The following PSMD12 variants were observed in gnomAD, a reference collection of about 807,000 sequenced individuals.
The protein encoded by PSMD12 is 26S proteasome non-ATPase regulatory subunit 12.
A neutral mutation model predicts 62.9 loss-of-function variants in PSMD12; 8 were observed. That is an observed-to-expected ratio of 0.13 (90% CI 0.07 to 0.23). PSMD12 has a LOEUF of 0.23. Among genes scored for constraint, PSMD12 ranks in the 10% least tolerant of loss-of-function variants. The probability of loss-of-function intolerance (pLI) is 1.00; values close to 1 mark genes in which losing one functional copy is unlikely to be tolerated. For missense variants in PSMD12, 424 were observed against 550.2 expected, an observed-to-expected ratio of 0.77 and a Z score of 2.29; for synonymous variants, 173 against 187.4, an observed-to-expected ratio of 0.92 and a Z score of 0.63.
chr17:67,364,532 C>G (rs913578270), intron 1 of PSMD12, among the ~76,000 whole-genome samples: 3 of 152,184 alleles, frequency 2.0e-5, no homozygotes, highest in African/African-American at 7.2e-5. Flanking sequence ...GTCTTGCAAA[C>G]AGTAGACTGG....
chr17:67,350,461 A>G (rs2042007095), intron 3 of PSMD12, 125 bp from the exon 4 acceptor site: 1 of 562,430 alleles, frequency 1.8e-6, no homozygotes, highest in East Asian at 3.2e-5. Flanking sequence ...CCAAAATGTC[A>G]TAAAGAACAT....
intron 4 of PSMD12, among the ~76,000 whole-genome samples, chr17:67,349,299 G>A (rs535233752): frequency 1.2e-4 from 18 of 152,322 alleles, no homozygotes; most frequent in Admixed American, 5.9e-4. Flanking sequence ...GATTACAGGC[G>A]TGAGCCACTG....
chr17:67,364,909 C>T (rs938955417), intron 1 of PSMD12, among the ~76,000 whole-genome samples: 1 of 152,094 alleles, frequency 6.6e-6, no homozygotes, highest in African/African-American at 2.4e-5. Flanking sequence ...TTTGGCCAGC[C>T]GCGGTGGCTC....
chr17:67,348,053 T>C lies in PSMD12; in HGVS notation c.510+497A>G, dbSNP rs563259611. On this transcript the variant is annotated intron_variant, in intron 5 of 10. Transcript: ENST00000356126. ...GGATATCTGAGCTGATTTTATCTTT[T>C]TACTATCACAAATAAAGCTATTCTG... 2.0e-5 allele frequency among the ~76,000 whole-genome samples: 3 copies of C among 152,338 alleles called. No homozygotes were observed. In the South Asian group the frequency reaches 6.2e-4, roughly 32 times the overall value.
chr17:67,350,859 T>A (rs113294227), intron 3 of PSMD12, among the ~76,000 whole-genome samples: 3,147 of 152,272 alleles, frequency 0.021, 49 homozygotes, highest in Admixed American at 0.032. Flanking sequence ...ATGATCCAGG[T>A]CACAAATCAG....
intron 9 of PSMD12, 188 bp from the exon 10 acceptor site, chr17:67,342,451 G>T: frequency 4.3e-6 from 2 of 460,560 alleles, no homozygotes; most frequent in African/African-American, 2.0e-5. Flanking sequence ...TAGATATTTT[G>T]GTTTCTGTAG....
chr17:67,358,725 T>C (rs1376051346), intron 1 of PSMD12, among the ~76,000 whole-genome samples: 2 of 152,114 alleles, frequency 1.3e-5, no homozygotes, highest in Non-Finnish European at 2.9e-5. Flanking sequence ...CAGGAAACTA[T>C]GGTTTAATTT....
At chr17:67,357,198 A>C in intron 3 of PSMD12, 105 bp downstream of exon 3, 8 of 1,259,568 alleles carry the variant, frequency 6.4e-6, no homozygotes, top group Non-Finnish European at 8.6e-6. Context: ...CTAGGATGTT[A>C]CAACGTTGAC....
chr17:67,353,376 G>C (rs1249314258), intron 3 of PSMD12, among the ~76,000 whole-genome samples: 1 of 150,868 alleles, frequency 6.6e-6, no homozygotes, highest in Non-Finnish European at 1.5e-5. Flanking sequence ...GTGCGATCTT[G>C]GCTCACTGCA....
At chr17:67,358,366 G>A (rs1336200362) in intron 1 of PSMD12, among the ~76,000 whole-genome samples, 2 of 151,764 alleles carry the variant, frequency 1.3e-5, no homozygotes, top group Non-Finnish European at 2.9e-5. Context: ...TCAGGAGTTC[G>A]AGACCAGGCT....
At chr17:67,360,373 C>T (rs1406540485) in intron 1 of PSMD12, among the ~76,000 whole-genome samples, 2 of 152,158 alleles carry the variant, frequency 1.3e-5, no homozygotes, top group Non-Finnish European at 2.9e-5. Context: ...AAACATTAAA[C>T]GTCATTTTCT....
At chr17:67,360,351 G>A (rs948510021) in intron 1 of PSMD12, among the ~76,000 whole-genome samples, 5 of 152,238 alleles carry the variant, frequency 3.3e-5, no homozygotes, top group Non-Finnish European at 5.9e-5. Context: ...GCCACAGTCT[G>A]GAGTATCAAC....
At chr17:67,360,499 T>C (rs1271402634) in intron 1 of PSMD12, among the ~76,000 whole-genome samples, 2 of 152,250 alleles carry the variant, frequency 1.3e-5, no homozygotes, top group African/African-American at 4.8e-5. Flanking sequence ...ATATTCTATT[T>C]TGGTGTTTAC....
rs749314415 is a variant in PSMD12, at chr17:67,344,718, T to C, written c.971A>G (p.Tyr324Cys). The change falls in exon 9 of 11, where the codon TAT becomes TGT. Residue 324 changes from tyrosine to cysteine, a missense_variant. By Grantham distance (194) the Tyr-to-Cys change is radical. Transcript: ENST00000356126. ...LMRWSTLVED[Y>C]GMELRKGSLE... Reference sequence around the variant, plus strand: ...GGAACCTTTTCTTAATTCCATTCCATAGTCCTCAACAAGTGTGGACCAACG... The same window carrying C: ...GGAACCTTTTCTTAATTCCATTCCACAGTCCTCAACAAGTGTGGACCAACG... 1.9e-6 allele frequency: 3 copies of C among 1,613,674 alleles called. No homozygotes were observed. Among genetic ancestry groups the C allele is most frequent in the Admixed American group, 3.3e-5 (2 of 60,000 alleles).
At chr17:67,361,952 C>CAT (rs1167109534) in intron 1 of PSMD12, among the ~76,000 whole-genome samples, 1 of 117,552 alleles carries the variant, frequency 8.5e-6, no homozygotes. Context: ...GAGAGGAAGA[C>CAT]ATTAACATTT....
chr17:67,343,617 T>TA (rs1453599209), intron 9 of PSMD12, among the ~76,000 whole-genome samples: 12 of 152,348 alleles, frequency 7.9e-5, no homozygotes, highest in Admixed American at 2.6e-4. Flanking sequence ...GCTCTCTAGA[T>TA]ACTTGTACTA....
At position 67,338,640 on chromosome 17, in the gene PSMD12, G is replaced by C. The variant is rs373131081; in HGVS notation, c.*2203C>G. On this transcript the variant is annotated 3_prime_UTR_variant, in exon 11 of 11. Coordinates refer to ENST00000356126, the MANE Select transcript of PSMD12 (RefSeq NM_002816.5). The stretch of plus-strand genomic sequence containing the variant: ...CAGCCAAGGCGGGTGGATCACCTGA[G>C]GTCAGGAGTTTGAGACCAGCCCGGC... The C allele has an allele frequency of 6.6e-6, 1 of 152,208 alleles. No homozygotes were observed. The highest frequency in any genetic ancestry group is 1.5e-5 in the Non-Finnish European group (1 of 68,096). 9.4% of individuals were successfully genotyped at this position (152,208 alleles called of 1,614,324 possible).
At chr17:67,356,293 G>A (rs928963200) in intron 3 of PSMD12, among the ~76,000 whole-genome samples, 1 of 151,926 alleles carries the variant, frequency 6.6e-6, no homozygotes, top group East Asian at 1.9e-4. Flanking sequence ...TCATATATTG[G>A]GATAATATAA....
chr17:67,344,917 TTGTG>T (rs1297249637), intron 8 of PSMD12, 137 bp from the exon 9 acceptor site: 1 of 720,004 alleles, frequency 1.4e-6, no homozygotes, highest in African/African-American at 1.8e-5. Context: ...CATATGATTA[TTGTG>T]TATTTTACCA....
Sources: allele counts gnomAD v4.1 joint callset (sites outside exome capture counted in the v4.1 genomes callset), GRCh38; gene constraint gnomAD v4.1.1; transcripts MANE v1.5; gene names NCBI Gene and HGNC (gene_info 2026-07-23, HGNC 2026-07-21).